The following SHROOM3 variants were observed in gnomAD, a reference collection of about 807,000 sequenced individuals.
The protein encoded by SHROOM3 is protein Shroom3.
In SHROOM3, 47 loss-of-function variants were observed where a neutral mutation model predicts 138.6. The observed-to-expected ratio is 0.34, with a 90% CI of 0.27 to 0.43. The LOEUF is 0.43. Among genes scored for constraint, SHROOM3 ranks in the 20% least tolerant of loss-of-function variants. SHROOM3 has a pLI of 1.00. For synonymous variants in SHROOM3, 1,062 were observed against 1,063.3 expected (o/e 1.00, Z 0.02); for missense variants, 2,491 against 2,596.5 (o/e 0.96, Z 0.88).
intron 2 of SHROOM3, among the ~76,000 whole-genome samples, chr4:76,593,935 C>G (rs1030337972): frequency 3.3e-5 from 5 of 152,164 alleles, no homozygotes; most frequent in Non-Finnish European, 7.3e-5. Context: ...CTGCTGGCTG[C>G]CAGGTTGCTC....
At chr4:76,559,278 C>A (rs1315817546) in intron 2 of SHROOM3, 1 of 152,138 alleles carries the variant, frequency 6.6e-6, no homozygotes, top group Non-Finnish European at 1.5e-5. Context: ...GACATTCCTC[C>A]CCTACCTTGC....
At chr4:76,482,505 A>G (rs545107404) in intron 1 of SHROOM3, among the ~76,000 whole-genome samples, 3 of 151,442 alleles carry the variant, frequency 2.0e-5, no homozygotes, top group African/African-American at 7.2e-5. Flanking sequence ...GAAATAAGAG[A>G]GGACAAATGG....
At chr4:76,770,605 C>A (rs777617033) in intron 9 of SHROOM3, 21 bp from the exon 10 acceptor site, 18 of 1,612,650 alleles carry the variant, frequency 1.1e-5, no homozygotes, top group Non-Finnish European at 1.5e-5. Flanking sequence ...CTGATCTTTG[C>A]GGTCTTATCT....
intron 4 of SHROOM3, among the ~76,000 whole-genome samples, chr4:76,738,050 T>C (rs1721128764): frequency 6.6e-6 from 1 of 152,130 alleles, no homozygotes; most frequent in African/African-American, 2.4e-5. Flanking sequence ...TTGGAAGTCA[T>C]CCACAGGTGT....
At chr4:76,479,161 AG>A (rs1731550404) in intron 1 of SHROOM3, among the ~76,000 whole-genome samples, 1 of 152,048 alleles carries the variant, frequency 6.6e-6, no homozygotes, top group Non-Finnish European at 1.5e-5. Context: ...AGGGTACAGA[AG>A]GTATGTAATA....
chr4:76,741,454 C>G lies in SHROOM3; in HGVS notation c.3281C>G (p.Thr1094Ser), dbSNP rs1385362510. Residue 1094 changes from threonine (T) to serine (S), a missense_variant, in exon 5 of 11, where the codon ACC (threonine) becomes AGC (serine). Thr to Ser is a moderately conservative substitution (Grantham distance 58). Transcript: ENST00000296043. The surrounding 1 kb of genome is among the most constrained non-coding windows in gnomAD (Gnocchi z 6.2). ...CTGGCGGACTACATCCAGCGCAAGA[C>G]CGGCAAGCGGCCTACCTCCGCCGCC... Reference protein sequence around the residue: ...SALADYIQRKTGKRPTSAAGC... With the variant: ...SALADYIQRKSGKRPTSAAGC... 1.3e-6 allele frequency: 2 copies of G among 1,578,228 alleles called. No individual in the cohort carries two copies. The highest frequency in any genetic ancestry group is 1.7e-6 in the Non-Finnish European group (2 of 1,164,568).
intron 2 of SHROOM3, among the ~76,000 whole-genome samples, chr4:76,640,988 G>A (rs956550543): frequency 2.0e-5 from 3 of 152,138 alleles, no homozygotes; most frequent in African/African-American, 7.2e-5. Flanking sequence ...GAGGAAATGG[G>A]GGATCGAAGT....
At position 76,542,378 on chromosome 4, in the gene SHROOM3, A is replaced by G. The variant is rs535548834; in HGVS notation, c.169-13231A>G. Among the ~76,000 whole-genome samples the G allele has an allele frequency of 2.6e-5, 4 of 152,318 alleles. No individual in the cohort carries two copies. The South Asian group carries it at 8.3e-4, about 32-fold the overall frequency. On this transcript the variant is annotated intron_variant, in intron 1 of 10. Coordinates refer to ENST00000296043, the MANE Select transcript of SHROOM3 (RefSeq NM_020859.4). ...TGTCCACCTCCTAGTCCATGTGACT[A>G]TGTTGTGTTACGTGCCATGGGAAAT... is the stretch of plus-strand genomic sequence containing the variant.
intron 1 of SHROOM3, among the ~76,000 whole-genome samples, chr4:76,524,467 G>A (rs968430391): frequency 2.6e-5 from 4 of 152,314 alleles, no homozygotes; most frequent in Admixed American, 6.5e-5. Flanking sequence ...CAAAGGAGGC[G>A]AAAACAGGGT....
intron 2 of SHROOM3, among the ~76,000 whole-genome samples, chr4:76,668,742 A>G (rs777935046): frequency 2.2e-4 from 33 of 152,216 alleles, no homozygotes; most frequent in Non-Finnish European, 4.4e-4. Flanking sequence ...ACAGTTTGAA[A>G]TAGAGGATGA....
chr4:76,599,718 T>C (rs1734464370), intron 2 of SHROOM3, among the ~76,000 whole-genome samples: 1 of 152,210 alleles, frequency 6.6e-6, no homozygotes. Flanking sequence ...GAACCTCATC[T>C]GTAAAATGTA....
At chr4:76,719,622 A>G (rs569109730) in intron 3 of SHROOM3, among the ~76,000 whole-genome samples, 2 of 152,318 alleles carry the variant, frequency 1.3e-5, no homozygotes, top group South Asian at 2.1e-4. Context: ...TGTGTGTGTC[A>G]TTGCTGACAA....
chr4:76,500,003 G>T (rs1305703328), intron 1 of SHROOM3, among the ~76,000 whole-genome samples: 1 of 152,160 alleles, frequency 6.6e-6, no homozygotes, highest in African/African-American at 2.4e-5. Flanking sequence ...TCTCCATTTT[G>T]CCAAAGAGGA....
At chr4:76,548,753 G>C (rs7654608) in intron 1 of SHROOM3, among the ~76,000 whole-genome samples, 1 of 151,984 alleles carries the variant, frequency 6.6e-6, no homozygotes, top group Non-Finnish European at 1.5e-5. Flanking sequence ...TCAAAGCAAA[G>C]TCGACTTCTC....
chr4:76,543,873 C>A (rs988695853), intron 1 of SHROOM3, among the ~76,000 whole-genome samples: 2 of 152,232 alleles, frequency 1.3e-5, no homozygotes, highest in Admixed American at 1.3e-4. Context: ...TAATGACCAG[C>A]ACTGTGTTTG....
intron 3 of SHROOM3, among the ~76,000 whole-genome samples, chr4:76,727,185 T>C (rs1720732230): frequency 6.6e-6 from 1 of 152,254 alleles, no homozygotes; most frequent in Non-Finnish European, 1.5e-5. Flanking sequence ...GGGTCTAAAA[T>C]GATACATACA....
At chr4:76,460,699 T>C (rs1731122098) in intron 1 of SHROOM3, among the ~76,000 whole-genome samples, 3 of 151,530 alleles carry the variant, frequency 2.0e-5, no homozygotes, top group African/African-American at 4.8e-5. Context: ...CCAAATTTCC[T>C]CTTAGAAGAG....
intron 5 of SHROOM3, among the ~76,000 whole-genome samples, chr4:76,744,926 T>C (rs1223397056): frequency 1.3e-5 from 2 of 152,266 alleles, no homozygotes; most frequent in South Asian, 4.1e-4. Context: ...TCAGTTCCTC[T>C]GTATGTGACA....
chr4:76,564,287 A>C (rs1383160134), intron 2 of SHROOM3, among the ~76,000 whole-genome samples: 2 of 152,138 alleles, frequency 1.3e-5, no homozygotes, highest in African/African-American at 4.8e-5. Context: ...GTGGTAACTT[A>C]CCCTTCTAAA....
Sources: gnomAD v4.1 joint callset for allele counts (sites outside exome capture counted in the v4.1 genomes callset) on GRCh38, gnomAD v4.1.1 for gene constraint, Gnocchi (gnomAD v3.1) non-coding constraint, MANE v1.5 for transcripts, NCBI Gene and HGNC (gene_info 2026-07-23, HGNC 2026-07-21) for gene names.